RORA: variants seen among roughly 807,000 people sequenced by gnomAD.
RORA encodes nuclear receptor ROR-alpha.
A neutral mutation model predicts 69.5 loss-of-function variants in RORA; 7 were observed. That is an observed-to-expected ratio of 0.10 (90% CI 0.06 to 0.19). The LOEUF (loss-of-function observed/expected upper bound fraction) is 0.19, where lower values mean the gene tolerates loss of function less well. Ranked by LOEUF, RORA falls within the 10% of genes least tolerant of loss-of-function variation. The pLI, the probability that RORA is intolerant of heterozygous loss-of-function variation, is 1.00. For missense variants in RORA, 457 were observed against 663.0 expected (o/e 0.69, Z 3.41); for synonymous variants, 261 against 240.8 (o/e 1.08, Z -0.78).
At chr15:61,105,259 T>C (rs2078936166) in intron 1 of RORA, among the ~76,000 whole-genome samples, 1 of 152,184 alleles carries the variant, frequency 6.6e-6, no homozygotes, top group South Asian at 2.1e-4. Context: ...ATTTATGAAA[T>C]TATTTATCTA....
chr15:60,962,331 C>G (rs942340874), intron 1 of RORA, among the ~76,000 whole-genome samples: 2 of 152,164 alleles, frequency 1.3e-5, no homozygotes, highest in Non-Finnish European at 2.9e-5. Flanking sequence ...TTTCTAACTG[C>G]TAGAGAAACA....
chr15:60,707,127 G>A (rs1398639124), intron 1 of RORA, among the ~76,000 whole-genome samples: 1 of 152,010 alleles, frequency 6.6e-6, no homozygotes, highest in East Asian at 1.9e-4. Flanking sequence ...ATTGGCCACT[G>A]GAATCTGTAA....
chr15:61,114,078 G>A (rs928007104), intron 1 of RORA, among the ~76,000 whole-genome samples: 2 of 152,132 alleles, frequency 1.3e-5, no homozygotes, highest in African/African-American at 2.4e-5. Context: ...ATGTCACTCC[G>A]CAAAGTTCTT....
intron 1 of RORA, among the ~76,000 whole-genome samples, chr15:60,822,829 T>G (rs2072909630): frequency 6.6e-6 from 1 of 152,190 alleles, no homozygotes; most frequent in Non-Finnish European, 1.5e-5. Flanking sequence ...CACCACCCCC[T>G]GGCTCCAGGT....
chr15:61,022,731 G>C (rs1566947216), intron 1 of RORA, among the ~76,000 whole-genome samples: 1 of 152,170 alleles, frequency 6.6e-6, no homozygotes, highest in Non-Finnish European at 1.5e-5. Flanking sequence ...TTAACTGAGA[G>C]TTAACTGGTT....
intron 1 of RORA, among the ~76,000 whole-genome samples, chr15:60,732,177 A>C (rs559728883): frequency 1.3e-5 from 2 of 152,334 alleles, no homozygotes; most frequent in African/African-American, 4.8e-5. Flanking sequence ...ATACACCCCC[A>C]AATTAGATTA....
At chr15:60,784,621 A>C (rs989104777) in intron 1 of RORA, among the ~76,000 whole-genome samples, 1 of 152,220 alleles carries the variant, frequency 6.6e-6, no homozygotes, top group Non-Finnish European at 1.5e-5. Context: ...TTGGATGTAC[A>C]ATATGGGTGA....
At chr15:61,013,559 C>T (rs1259236504) in intron 1 of RORA, among the ~76,000 whole-genome samples, 1 of 152,108 alleles carries the variant, frequency 6.6e-6, no homozygotes, top group Non-Finnish European at 1.5e-5. Context: ...CTGCATTCTT[C>T]CTAGCTAAGC....
intron 1 of RORA, among the ~76,000 whole-genome samples, chr15:60,830,798 G>A (rs1041400987): frequency 1.3e-5 from 2 of 152,220 alleles, no homozygotes; most frequent in African/African-American, 2.4e-5. Context: ...AGAATGTGAT[G>A]AGAAACACAT....
intron 1 of RORA, among the ~76,000 whole-genome samples, chr15:61,006,072 G>T (rs62005613): frequency 6.6e-6 from 1 of 151,980 alleles, no homozygotes; most frequent in Non-Finnish European, 1.5e-5. Flanking sequence ...GGGTTCAAGC[G>T]GTTCTCCTGC....
chr15:60,673,224 G>T (rs1484609586), intron 2 of RORA, among the ~76,000 whole-genome samples: 3 of 152,210 alleles, frequency 2.0e-5, no homozygotes, highest in Non-Finnish European at 4.4e-5. Flanking sequence ...TAACTATTCA[G>T]TTTTTCTATG....
chr15:60,844,183 G>A (rs1380601484), intron 1 of RORA, among the ~76,000 whole-genome samples: 3 of 152,070 alleles, frequency 2.0e-5, no homozygotes, highest in Non-Finnish European at 2.9e-5. Flanking sequence ...CCCTTCCTGA[G>A]TTGAATTCTA....
At chr15:61,173,301 A>G (rs2079601082) in intron 1 of RORA, among the ~76,000 whole-genome samples, 1 of 152,208 alleles carries the variant, frequency 6.6e-6, no homozygotes, top group Non-Finnish European at 1.5e-5. Flanking sequence ...TTCAAAGTCC[A>G]TGCTTTTAAC....
chr15:60,733,914 C>CAGAGAGAGAGAGAGAGAGAG (rs58672002), intron 1 of RORA, among the ~76,000 whole-genome samples: 15 of 101,476 alleles, frequency 1.5e-4, no homozygotes, highest in East Asian at 1.1e-3. Flanking sequence ...AGAATAGGGG[C>CAGAGAGAGAGAGAGAGAGAG]AGAGAGAGAG....
At chr15:61,070,752 G>A (rs1426895738) in intron 1 of RORA, among the ~76,000 whole-genome samples, 2 of 152,204 alleles carry the variant, frequency 1.3e-5, no homozygotes, top group Admixed American at 1.3e-4. Context: ...AGGTGTTGGA[G>A]TTTGTACTCA....
At chr15:60,544,528 AAACG>A (rs1400547159) in intron 2 of RORA, among the ~76,000 whole-genome samples, 1 of 152,174 alleles carries the variant, frequency 6.6e-6, no homozygotes, top group African/African-American at 2.4e-5. Context: ...TACTACTATG[AAACG>A]AAGAGAATTT....
chr15:61,023,308 T>C (rs954322211), intron 1 of RORA, among the ~76,000 whole-genome samples: 2 of 151,600 alleles, frequency 1.3e-5, no homozygotes, highest in African/African-American at 4.9e-5. Flanking sequence ...CAGTTCCACA[T>C]GGCTGGGAGG....
chr15:60,532,374 G>A (rs1421867509), intron 2 of RORA, among the ~76,000 whole-genome samples: 2 of 152,178 alleles, frequency 1.3e-5, no homozygotes, highest in Non-Finnish European at 2.9e-5. Flanking sequence ...CAGTTGCCAT[G>A]TGTTAAAAAT....
chr15:61,040,086 A>G (rs1328986786), intron 1 of RORA, among the ~76,000 whole-genome samples: 2 of 126,956 alleles, frequency 1.6e-5, no homozygotes, highest in Non-Finnish European at 3.2e-5. Context: ...CAAGAACATA[A>G]TTCTAATGGC....
Sources: allele counts gnomAD v4.1 joint callset (sites outside exome capture counted in the v4.1 genomes callset), GRCh38; gene constraint gnomAD v4.1.1; transcripts MANE v1.5; gene names NCBI Gene and HGNC (gene_info 2026-07-23, HGNC 2026-07-21).